TWSG1: variants seen among roughly 807,000 people sequenced by gnomAD.
TWSG1 encodes the protein twisted gastrulation protein homolog 1.
Under a neutral mutation model 23.0 loss-of-function variants are expected in TWSG1, and 15 were observed. That is an observed-to-expected ratio of 0.65 (90% confidence interval 0.44 to 1.00). TWSG1 has a LOEUF of 1.00. Among genes scored for constraint, TWSG1 ranks in the 50% least tolerant of loss-of-function variants. The probability of loss-of-function intolerance (pLI) is 0.00; values close to 1 mark genes in which losing one functional copy is unlikely to be tolerated. For synonymous variants in TWSG1, 86 were observed against 92.8 expected (o/e 0.93, Z 0.42); for missense variants, 242 against 278.7 (o/e 0.87, Z 0.94).
At chr18:9,352,494 T>C (rs1167439933) in intron 2 of TWSG1, among the ~76,000 whole-genome samples, 1 of 152,196 alleles carries the variant, frequency 6.6e-6, no homozygotes, top group Non-Finnish European at 1.5e-5. Flanking sequence ...CGTTATCTCA[T>C]TGGGATGCCC....
chr18:9,396,799 G>C (rs909972493), intron 4 of TWSG1: 2 of 557,556 alleles, frequency 3.6e-6, no homozygotes, highest in Non-Finnish European at 6.2e-6. Context: ...GGTGGCTCAT[G>C]CCTGTAATCC....
At chr18:9,365,144 G>A (rs1024444100) in intron 3 of TWSG1, among the ~76,000 whole-genome samples, 1 of 151,352 alleles carries the variant, frequency 6.6e-6, no homozygotes, top group African/African-American at 2.4e-5. Context: ...AACATAAGGA[G>A]ACCCCATCTT....
At chr18:9,353,604 G>C (rs1008467817) in intron 2 of TWSG1, among the ~76,000 whole-genome samples, 1 of 152,130 alleles carries the variant, frequency 6.6e-6, no homozygotes, top group African/African-American at 2.4e-5. Flanking sequence ...AGAACATCTA[G>C]CATAGTTATT....
At chr18:9,369,219 A>G (rs1238161452) in intron 3 of TWSG1, among the ~76,000 whole-genome samples, 2 of 152,178 alleles carry the variant, frequency 1.3e-5, no homozygotes, top group African/African-American at 2.4e-5. Flanking sequence ...TATACAGCAT[A>G]TATCTGTTAG....
Position 9,337,229 on chromosome 18 carries a change from C to T in TWSG1, c.-1C>T, listed in dbSNP as rs2040427092. On this transcript the variant is annotated 5_prime_UTR_variant, in exon 2 of 5. Coordinates refer to ENST00000262120, the MANE Select transcript of TWSG1 (RefSeq NM_020648.6). ...TTACTGATCATCTTCTTTGAAGAAA[C>T]ATGAAGTTACACTATGTTGCTGTGC... 2 of 1,610,586 alleles carry T rather than the reference C, an allele frequency of 1.2e-6. No individual in the cohort carries two copies. Among genetic ancestry groups the T allele is most frequent in the Non-Finnish European group, 1.7e-6 (2 of 1,179,872 alleles).
intron 2 of TWSG1, among the ~76,000 whole-genome samples, chr18:9,358,731 T>G (rs948799378): frequency 1.8e-4 from 27 of 152,192 alleles, no homozygotes; most frequent in African/African-American, 5.8e-4. Context: ...TGGCCATATG[T>G]TGATGGAACA....
Position 9,392,387 on chromosome 18 carries a change from C to G in TWSG1, c.224-3893C>G, listed in dbSNP as rs550601836. Reference sequence around the variant, plus strand: ...CTTTCCTTAAACCTCATGAACCAATCTCTGCCAGCTTCAGACTTTTCTTCT... The same window carrying G: ...CTTTCCTTAAACCTCATGAACCAATGTCTGCCAGCTTCAGACTTTTCTTCT... On this transcript the variant is annotated intron_variant, in intron 3 of 4. Transcript: ENST00000262120. 2.0e-5 allele frequency among the ~76,000 whole-genome samples: 3 copies of G among 152,352 alleles called. No individual in the cohort carries two copies. In the East Asian group the frequency reaches 5.8e-4, roughly 29 times the overall value.
At chr18:9,353,757 C>T (rs971079124) in intron 2 of TWSG1, among the ~76,000 whole-genome samples, 2 of 152,198 alleles carry the variant, frequency 1.3e-5, no homozygotes, top group African/African-American at 4.8e-5. Flanking sequence ...CACTCATTCT[C>T]AGCCTTCTCT....
intron 2 of TWSG1, among the ~76,000 whole-genome samples, chr18:9,349,363 G>A (rs960841411): frequency 2.0e-5 from 3 of 152,062 alleles, no homozygotes; most frequent in South Asian, 2.1e-4. Context: ...CATAAACATT[G>A]TATTTCATGA....
At chr18:9,388,434 C>T (rs567252957) in intron 3 of TWSG1, 1 of 152,306 alleles carries the variant, frequency 6.6e-6, no homozygotes, top group East Asian at 1.9e-4. Flanking sequence ...ACTACTTTTA[C>T]TGGTTTTCAA....
intron 3 of TWSG1, among the ~76,000 whole-genome samples, chr18:9,365,033 G>A (rs535665762): frequency 6.6e-6 from 1 of 152,236 alleles, no homozygotes; most frequent in East Asian, 1.9e-4. Flanking sequence ...TTAAAAGTTG[G>A]ATTCTGCCTA....
intron 2 of TWSG1, among the ~76,000 whole-genome samples, chr18:9,358,112 GTGCAGCTGGTT>G (rs1176200406): frequency 1.3e-5 from 2 of 152,266 alleles, no homozygotes; most frequent in African/African-American, 4.8e-5. Flanking sequence ...AGAACAGGAA[GTGCAGCTGGTT>G]GCAAAGGACT....
At chr18:9,338,530 T>C (rs1260337858) in intron 2 of TWSG1, among the ~76,000 whole-genome samples, 1 of 152,236 alleles carries the variant, frequency 6.6e-6, no homozygotes, top group Non-Finnish European at 1.5e-5. Context: ...TACTGTTTTG[T>C]TGATAATTCT....
rs180921906 is a variant in TWSG1, at chr18:9,356,196, G to A, written c.124-3776G>A. On this transcript the variant is annotated intron_variant, in intron 2 of 4. Transcript: ENST00000262120. Reference sequence around the variant, plus strand: ...TTGTATTCTATCACTAAATTATAAAGCAGTAAGCATATGACTACAGCATAT... The same window carrying A: ...TTGTATTCTATCACTAAATTATAAAACAGTAAGCATATGACTACAGCATAT... Among the ~76,000 whole-genome samples the A allele has an allele frequency of 1.8e-4, 28 of 152,260 alleles. 2 individuals are homozygous for A. In the East Asian group the frequency reaches 5.4e-3, roughly 29 times the overall value.
chr18:9,362,987 C>G (rs2040559462), intron 3 of TWSG1, among the ~76,000 whole-genome samples: 3 of 152,288 alleles, frequency 2.0e-5, no homozygotes, highest in African/African-American at 7.2e-5. Flanking sequence ...GTAGGCAGCT[C>G]TCTTCCAAAT....
rs539220291 is a variant in TWSG1 at position 9,365,543 on chromosome 18, C to T, written c.223+5472C>T. ...TTAGCTGTGCATGGGTGGCATGTGC[C>T]TGTAGTCCCAGCTACTTGGGTGGGA... is the stretch of plus-strand genomic sequence containing the variant. On this transcript the variant is annotated intron_variant, in intron 3 of 4. Transcript: ENST00000262120. Among the ~76,000 whole-genome samples, 13 of 151,658 alleles carry T rather than the reference C, an allele frequency of 8.6e-5. No homozygotes were observed. In the South Asian group the frequency reaches 1.9e-3, roughly 22 times the overall value.
At chr18:9,390,880 G>A (rs72948167) in intron 3 of TWSG1, among the ~76,000 whole-genome samples, 38,796 of 152,014 alleles carry the variant, frequency 0.26, 5,053 homozygotes, top group East Asian at 0.29. Context: ...GGGCGTGGTG[G>A]TGCACACCTC....
chr18:9,339,253 G>A (rs151169361), intron 2 of TWSG1, among the ~76,000 whole-genome samples: 1 of 152,000 alleles, frequency 6.6e-6, no homozygotes, highest in Admixed American at 6.6e-5. Flanking sequence ...CTTTTAAAGG[G>A]AGTATTTAAA....
At chr18:9,396,194 C>A in intron 3 of TWSG1, 86 bp from the exon 4 acceptor site, 3 of 978,858 alleles carry the variant, frequency 3.1e-6, no homozygotes, top group Non-Finnish European at 4.5e-6. Context: ...CATGTGTAAT[C>A]CTAGAAGTTA....
Sources: gnomAD v4.1 joint callset for allele counts (sites outside exome capture counted in the v4.1 genomes callset) on GRCh38, gnomAD v4.1.1 for gene constraint, MANE v1.5 for transcripts, NCBI Gene and HGNC (gene_info 2026-07-23, HGNC 2026-07-21) for gene names.